The following FUBP3 variants were observed in gnomAD, a reference collection of about 807,000 sequenced individuals.
FUBP3 encodes far upstream element-binding protein 3.
Under a neutral mutation model 85.6 loss-of-function variants are expected in FUBP3, and 28 were observed. That is an observed-to-expected ratio of 0.33 (90% CI 0.24 to 0.45). The LOEUF is 0.45. Ranked by LOEUF, FUBP3 falls within the 20% of genes least tolerant of loss-of-function variation. The probability of loss-of-function intolerance (pLI) is 1.00; values close to 1 mark genes in which losing one functional copy is unlikely to be tolerated. For missense variants in FUBP3, 583 were observed against 755.1 expected, an observed-to-expected ratio of 0.77 and a Z score of 2.67; for synonymous variants, 271 against 271.4, an observed-to-expected ratio of 1.00 and a Z score of 0.01.
chr9:130,625,879 T>C (rs1829949998), intron 11 of FUBP3, among the ~76,000 whole-genome samples: 1 of 152,182 alleles, frequency 6.6e-6, no homozygotes, highest in Non-Finnish European at 1.5e-5. Flanking sequence ...CCGTTTATCC[T>C]TCTTGCTGAC....
rs766762274 is a variant in FUBP3, at chr9:130,632,182, G to T, written c.1434-20G>T. The T allele has an allele frequency of 6.2e-7, 1 of 1,606,016 alleles. No individual in the cohort carries two copies. The highest frequency in any genetic ancestry group is 8.5e-7 in the Non-Finnish European group (1 of 1,172,700). Reference sequence around the variant, plus strand: ...TGACTTGCCCCCTATAGGAACGAGTGACCCTCTTGTTATCCACAGTGGTCC... The same window carrying T: ...TGACTTGCCCCCTATAGGAACGAGTTACCCTCTTGTTATCCACAGTGGTCC... On this transcript the variant is annotated intron_variant, in intron 15 of 18. Transcript: ENST00000319725.
chr9:130,608,217 G>A (rs538291285), intron 2 of FUBP3, among the ~76,000 whole-genome samples: 34 of 152,186 alleles, frequency 2.2e-4, no homozygotes, highest in African/African-American at 7.9e-4. Context: ...CCCACGGTGC[G>A]GCCTCATTCC....
At chr9:130,592,273 G>A (rs1158680661) in intron 1 of FUBP3, among the ~76,000 whole-genome samples, 1 of 152,170 alleles carries the variant, frequency 6.6e-6, no homozygotes, top group Non-Finnish European at 1.5e-5. Flanking sequence ...AAGCCCAGAG[G>A]CATCATTTAA....
At position 130,635,734 on chromosome 9, in the gene FUBP3, A is replaced by G; in HGVS notation, c.1583-265A>G. 4.3e-6 allele frequency: 1 copy of G among 232,300 alleles called. No homozygotes were observed. Among genetic ancestry groups the G allele is most frequent in the Non-Finnish European group, 8.4e-6 (1 of 118,998 alleles). The allele number at this position is 232,300 out of a possible 1,614,324, so 14.4% of individuals were successfully genotyped here. A position where few individuals can be genotyped will look rare whatever the true frequency, so the allele number is the denominator to read the frequency against. ...GGCCCTGGGAGCTGAAGGGGCAGGC[A>G]GGGAGATGCAGAGAATGCGCTTCCG... On this transcript the variant is annotated intron_variant, in intron 17 of 18. Transcript: ENST00000319725. This position sits in a 1 kb window ranked among gnomAD's most constrained non-coding sequence, Gnocchi z 4.3.
rs937975580 is a variant in FUBP3, at chr9:130,635,109, G to A, written c.1582+371G>A. Among the ~76,000 whole-genome samples the A allele has an allele frequency of 6.6e-6, 1 of 152,180 alleles. No individual in the cohort carries two copies. Among genetic ancestry groups the A allele is most frequent in the Admixed American group, 6.5e-5 (1 of 15,280 alleles). ...ACCTGGCCGGCAAACAGACCAACCA[G>A]ACATCTTGTTCTCTGTCTTGGTGCT... On this transcript the variant is annotated intron_variant, in intron 17 of 18. Transcript: ENST00000319725. This position sits in a 1 kb window ranked among gnomAD's most constrained non-coding sequence, Gnocchi z 4.3.
intron 1 of FUBP3, 70 bp downstream of exon 1, chr9:130,579,834 T>G: frequency 1.2e-5 from 11 of 934,202 alleles, no homozygotes; most frequent in South Asian, 5.3e-5. Context: ...GAAGAGGGGT[T>G]CGGGCCTGGG....
intron 1 of FUBP3, among the ~76,000 whole-genome samples, chr9:130,586,669 T>A (rs543284677): frequency 1.2e-4 from 19 of 152,254 alleles, no homozygotes; most frequent in African/African-American, 4.3e-4. Context: ...CCATGCCCTC[T>A]GCATTTTAGG....
In FUBP3 at chr9:130,589,700, TA is replaced by T. The variant is rs1219838377; in HGVS notation, c.85-5782del. On this transcript the variant is annotated intron_variant, in intron 1 of 18. Transcript: ENST00000319725. ...GTATATATATATATATATATATATA[TA>T]TATATTTTTTTTTTTTTTTTTTTTT... Among the ~76,000 whole-genome samples, 207 of 33,642 alleles carry T rather than the reference TA, an allele frequency of 6.2e-3. 1 individual carries two copies. Among genetic ancestry groups the T allele is most frequent in the South Asian group, 0.012 (14 of 1,142 alleles). The allele number at this position is 33,642 out of a possible 152,430, so 22.1% of individuals were successfully genotyped here. A position where few individuals can be genotyped will look rare whatever the true frequency, so the allele number is the denominator to read the frequency against.
At chr9:130,622,649 C>T (rs1829807625) in intron 9 of FUBP3, 59 bp from the exon 10 acceptor site, 5 of 769,622 alleles carry the variant, frequency 6.5e-6, no homozygotes, top group African/African-American at 3.7e-5. Flanking sequence ...AAAAAAAGTG[C>T]CCTTTAAAAA....
At chr9:130,607,137 AT>A (rs67852625) in intron 2 of FUBP3, among the ~76,000 whole-genome samples, 25,773 of 143,502 alleles carry the variant, frequency 0.18, 3,087 homozygotes, top group African/African-American at 0.35. Flanking sequence ...TAATTTGTGT[AT>A]TTTTTTTTTT....
chr9:130,627,594 T>C (rs1830028812), intron 12 of FUBP3, among the ~76,000 whole-genome samples: 1 of 152,234 alleles, frequency 6.6e-6, no homozygotes, highest in African/African-American at 2.4e-5. Flanking sequence ...TCTTTTAGAC[T>C]GAACCACTCA....
chr9:130,627,499 G>A (rs540691927), intron 12 of FUBP3, among the ~76,000 whole-genome samples: 6 of 152,334 alleles, frequency 3.9e-5, no homozygotes, highest in Admixed American at 2.6e-4. Context: ...GGAGCCCCCC[G>A]ACACTCACCT....
At chr9:130,584,265 C>T (rs1830249999) in intron 1 of FUBP3, among the ~76,000 whole-genome samples, 4 of 152,198 alleles carry the variant, frequency 2.6e-5, no homozygotes, top group Admixed American at 2.6e-4. Context: ...CGGTGGCTTA[C>T]ACCCGTAATC....
intron 2 of FUBP3, among the ~76,000 whole-genome samples, chr9:130,606,702 C>A (rs1400489661): frequency 1.3e-5 from 2 of 152,114 alleles, no homozygotes; most frequent in Non-Finnish European, 2.9e-5. Flanking sequence ...TGCCTGTAAT[C>A]CCAGCTACTC....
At chr9:130,589,673 G>GTGTGTGTGTAGGTGTA in intron 1 of FUBP3, among the ~76,000 whole-genome samples, 1 of 28,370 alleles carries the variant, frequency 3.5e-5, no homozygotes, top group Non-Finnish European at 6.6e-5. Flanking sequence ...ATGTATGTGT[G>GTGTGTGTGTAGGTGTA]TGTATATATA....
In FUBP3 at chr9:130,616,876, T is replaced by G. The variant is rs938456734; in HGVS notation, c.567+359T>G. Among the ~76,000 whole-genome samples the G allele has an allele frequency of 6.6e-6, 1 of 152,252 alleles. No individual in the cohort carries two copies. The highest frequency in any genetic ancestry group is 1.5e-5 in the Non-Finnish European group (1 of 68,036). The stretch of plus-strand genomic sequence containing the variant: ...GCTCTGACCCAGCATTCTTCCTCAC[T>G]GATTGATCTTAAATGTGCTCATTTA... On this transcript the variant is annotated intron_variant, in intron 7 of 18. Coordinates refer to ENST00000319725, the MANE Select transcript of FUBP3 (RefSeq NM_003934.2). The surrounding 1 kb of genome is among the most constrained non-coding windows in gnomAD (Gnocchi z 4.7).
chr9:130,632,069 G>C, intron 15 of FUBP3, 47 bp downstream of exon 15: 1 of 1,506,560 alleles, frequency 6.6e-7, no homozygotes, highest in Non-Finnish European at 9.2e-7. Flanking sequence ...GCACTAAGGT[G>C]GTCACTTGGC....
In FUBP3 at chr9:130,582,782, TTAG is replaced by T. The variant is rs1830187952; in HGVS notation, c.84+3022_84+3024del. 2.6e-5 allele frequency among the ~76,000 whole-genome samples: 4 copies of T among 152,240 alleles called. No individual in the cohort carries two copies. In the South Asian group the frequency reaches 8.3e-4, roughly 32 times the overall value. ...TCCTAGAAGGTCTACCATTGATAAC[TTAG>T]TAGCACCTGTCATCACCCGTGAGCA... On this transcript the variant is annotated intron_variant, in intron 1 of 18. Transcript: ENST00000319725.
chr9:130,602,561 C>T (rs1831208533), intron 2 of FUBP3, among the ~76,000 whole-genome samples: 1 of 152,064 alleles, frequency 6.6e-6, no homozygotes, highest in South Asian at 2.1e-4. Context: ...GTGCTGAGGC[C>T]ACCAGTCTCC....
Sources: allele counts gnomAD v4.1 joint callset (sites outside exome capture counted in the v4.1 genomes callset), GRCh38; gene constraint gnomAD v4.1.1; non-coding constraint Gnocchi (gnomAD v3.1); transcripts MANE v1.5; gene names NCBI Gene and HGNC (gene_info 2026-07-23, HGNC 2026-07-21).